RTF2: variants seen among roughly 807,000 people sequenced by gnomAD.
RTF2 encodes the protein UPF0549 protein C20orf43.
Under a neutral mutation model 38.0 loss-of-function variants are expected in RTF2, and 18 were observed. The observed-to-expected ratio is 0.47, with a 90% CI of 0.33 to 0.70. The LOEUF is 0.70. Ranked by LOEUF, RTF2 falls within the 30% of genes least tolerant of loss-of-function variation. RTF2 has a pLI of 0.02. For missense variants in RTF2, 311 were observed against 379.6 expected (o/e 0.82, Z 1.50); for synonymous variants, 126 against 137.1 (o/e 0.92, Z 0.57).
intron 1 of RTF2, among the ~76,000 whole-genome samples, chr20:56,473,046 G>C (rs1340257045): frequency 6.6e-6 from 1 of 152,124 alleles, no homozygotes; most frequent in African/African-American, 2.4e-5. Flanking sequence ...TGGAAGGTTT[G>C]CTTCAGTCCA....
At chr20:56,507,581 A>T (rs1461238169) in intron 5 of RTF2, among the ~76,000 whole-genome samples, 1 of 152,246 alleles carries the variant, frequency 6.6e-6, no homozygotes, top group Non-Finnish European at 1.5e-5. Context: ...AACTGTATGC[A>T]GAATAAGGTC....
chr20:56,518,057 C>T, intron 8 of RTF2, 30 bp from the exon 9 acceptor site: 2 of 1,590,040 alleles, frequency 1.3e-6, no homozygotes, highest in Non-Finnish European at 1.7e-6. Context: ...TTATCCCAAC[C>T]CTGACAGTTT....
At chr20:56,513,161 G>A (rs1474845991) in intron 5 of RTF2, 154 bp from the exon 6 acceptor site, 5 of 568,998 alleles carry the variant, frequency 8.8e-6, no homozygotes, top group Non-Finnish European at 1.1e-5. Context: ...CTGTGTGCGG[G>A]AACTTTCCAA....
chr20:56,472,502 A>G, intron 1 of RTF2: 1 of 713,686 alleles, frequency 1.4e-6, no homozygotes, highest in Non-Finnish European at 2.5e-6. Context: ...TCCCTTAGTG[A>G]ATAAGCCCCA....
intron 5 of RTF2, among the ~76,000 whole-genome samples, chr20:56,502,669 A>G (rs1435416294): frequency 6.6e-6 from 1 of 152,238 alleles, no homozygotes; most frequent in Non-Finnish European, 1.5e-5. Context: ...GTATTTTGCC[A>G]TATATTCTAG....
intron 1 of RTF2, chr20:56,471,587 C>CAAAACA (rs1981972660): frequency 6.6e-6 from 1 of 152,378 alleles, no homozygotes; most frequent in African/African-American, 2.4e-5. Flanking sequence ...CAAAACAAAA[C>CAAAACA]AAAACCACTT....
At chr20:56,517,063 G>A (rs1465059903) in intron 7 of RTF2, 43 bp from the exon 8 acceptor site, 1 of 1,610,744 alleles carries the variant, frequency 6.2e-7, no homozygotes, top group African/African-American at 1.3e-5. Context: ...TTCATGCTTT[G>A]TTTTGCATTG....
intron 5 of RTF2, among the ~76,000 whole-genome samples, chr20:56,487,284 T>C (rs1379549612): frequency 1.3e-5 from 2 of 152,156 alleles, no homozygotes; most frequent in Admixed American, 6.5e-5. Flanking sequence ...TGAGATTATA[T>C]CGTTGGTGCT....
intron 1 of RTF2, among the ~76,000 whole-genome samples, chr20:56,472,062 A>G (rs1339386561): frequency 1.3e-5 from 2 of 150,868 alleles, no homozygotes; most frequent in Non-Finnish European, 1.5e-5. Flanking sequence ...TCTTAACAAA[A>G]ATAAAATAAA....
At position 56,514,822 on chromosome 20, in the gene RTF2, G is replaced by A. The variant is rs534114512; in HGVS notation, c.591+1394G>A. Among the ~76,000 whole-genome samples, 16 of 152,236 alleles carry A rather than the reference G, an allele frequency of 1.1e-4. No individual in the cohort carries two copies. In the East Asian group the frequency reaches 2.7e-3, roughly 26 times the overall value. Reference sequence around the variant, plus strand: ...GTGCCCAAACTCTGAATTCAGATGCGAGTAGAAATACTCCGTGGAGCAATA... The same window carrying A: ...GTGCCCAAACTCTGAATTCAGATGCAAGTAGAAATACTCCGTGGAGCAATA... On this transcript the variant is annotated intron_variant, in intron 6 of 8. Transcript: ENST00000357348.
intron 4 of RTF2, among the ~76,000 whole-genome samples, chr20:56,478,522 T>C (rs1359958721): frequency 6.6e-6 from 1 of 152,156 alleles, no homozygotes; most frequent in Non-Finnish European, 1.5e-5. Context: ...TACTATAGTC[T>C]AGTCTTTTAA....
chr20:56,472,116 G>A (rs922327656), intron 1 of RTF2, among the ~76,000 whole-genome samples: 2 of 151,972 alleles, frequency 1.3e-5, no homozygotes, highest in African/African-American at 4.8e-5. Context: ...AGCTACTTGG[G>A]AGGCTAAGGG....
intron 5 of RTF2, among the ~76,000 whole-genome samples, chr20:56,489,225 T>A (rs1600806705): frequency 2.0e-5 from 3 of 150,566 alleles, no homozygotes; most frequent in Non-Finnish European, 3.0e-5. Context: ...CTGGTTATTT[T>A]TTTTTTTTTT....
At chr20:56,494,484 C>T (rs1983380039) in intron 5 of RTF2, among the ~76,000 whole-genome samples, 1 of 152,236 alleles carries the variant, frequency 6.6e-6, no homozygotes, top group African/African-American at 2.4e-5. Flanking sequence ...TCCTGACAAA[C>T]CCAAGTGTGT....
intron 5 of RTF2, chr20:56,497,422 C>T (rs993087101): frequency 1.3e-6 from 2 of 1,545,206 alleles, no homozygotes; most frequent in African/African-American, 2.7e-5. Flanking sequence ...ATTTAGGGGG[C>T]CGCCCCTTTC....
intron 5 of RTF2, among the ~76,000 whole-genome samples, chr20:56,507,602 G>T (rs1299146114): frequency 2.0e-5 from 3 of 152,162 alleles, no homozygotes; most frequent in Non-Finnish European, 4.4e-5. Context: ...CATGTCCTCT[G>T]AACAGTCTGA....
rs768805165 is a variant in RTF2 at position 56,518,013 on chromosome 20, T to C, written c.743-74T>C. 320 of 1,433,916 alleles carry C rather than the reference T, an allele frequency of 2.2e-4. 1 individual carries two copies. Among genetic ancestry groups the C allele is most frequent in the Admixed American group, 1.0e-3 (49 of 48,382 alleles). 88.8% of individuals were successfully genotyped at this position (1,433,916 alleles called of 1,614,324 possible). On this transcript the variant is annotated intron_variant, in intron 8 of 8. Coordinates refer to ENST00000357348, the MANE Select transcript of RTF2 (RefSeq NM_016407.5). The stretch of plus-strand genomic sequence containing the variant: ...GTCTGGGACAGAGTGACTGATGGGC[T>C]TCCCTTCTGAGGATGCGAAGTTTAG...
chr20:56,484,132 C>T lies in RTF2; in HGVS notation c.420C>T (p.Cys140=), dbSNP rs58782641. The T allele has an allele frequency of 3.6e-3, 5,801 of 1,614,042 alleles. 180 individuals are homozygous for T. In the African/African-American group the frequency reaches 0.068, roughly 19 times the overall value. Residue 140 remains cysteine (C), a synonymous_variant, in exon 5 of 9, where the codon TGC becomes TGT. Transcript: ENST00000357348. ...CCAGGTTCTGCTTCCTTCGGTGCTG[C>T]GGCTGTGTGTTTTCTGAGCGAGCCT... The part of the protein sequence containing the change: ...GRHRFCFLRC[C]GCVFSERALK...
intron 5 of RTF2, among the ~76,000 whole-genome samples, chr20:56,506,117 A>G (rs920001356): frequency 2.0e-5 from 3 of 152,212 alleles, no homozygotes; most frequent in African/African-American, 7.2e-5. Flanking sequence ...CTACTTTGAA[A>G]TATTTCCTTA....
Sources: gnomAD v4.1 joint callset for allele counts (sites outside exome capture counted in the v4.1 genomes callset) on GRCh38, gnomAD v4.1.1 for gene constraint, MANE v1.5 for transcripts, NCBI Gene and HGNC (gene_info 2026-07-23, HGNC 2026-07-21) for gene names.